OSBPL10: variants seen among roughly 807,000 people sequenced by gnomAD.
OSBPL10 encodes the protein oxysterol binding protein like 10, also known as oxysterol-binding protein-related protein 10.
OSBPL10 carries 49 observed loss-of-function variants against 81.7 expected under a neutral mutation model. The observed-to-expected ratio is 0.60, with a 90% CI of 0.48 to 0.76. OSBPL10 has a LOEUF of 0.76. OSBPL10 is among the 30% of genes least tolerant of loss of function. The pLI, the probability that OSBPL10 is intolerant of heterozygous loss-of-function variation, is 0.00. For missense variants in OSBPL10, 923 were observed against 987.8 expected (o/e 0.93, Z 0.88); for synonymous variants, 419 against 383.6 (o/e 1.09, Z -1.08).
chr3:31,813,771 T>C (rs1412698263), intron 4 of OSBPL10, among the ~76,000 whole-genome samples: 2 of 152,200 alleles, frequency 1.3e-5, no homozygotes, highest in Non-Finnish European at 2.9e-5. Context: ...AGCCTGAGCA[T>C]GTGCCTTGGC....
At position 31,843,496 on chromosome 3, in the gene OSBPL10, C is replaced by G. The variant is rs568447013; in HGVS notation, c.538-13265G>C. On this transcript the variant is annotated intron_variant, in intron 3 of 11. Coordinates refer to ENST00000396556, the MANE Select transcript of OSBPL10 (RefSeq NM_017784.5). ...CTCTTCCGGGATGACATTCCTGCACCCAAGCCTTCATCCCTGAGGCTCTGC... is the reference window on the plus strand; with the variant it reads ...CTCTTCCGGGATGACATTCCTGCACGCAAGCCTTCATCCCTGAGGCTCTGC... 9.2e-5 allele frequency among the ~76,000 whole-genome samples: 14 copies of G among 152,302 alleles called. No homozygotes were observed. The South Asian group carries it at 2.7e-3, about 29-fold the overall frequency.
chr3:31,915,761 GA>G (rs111230460), intron 1 of OSBPL10, among the ~76,000 whole-genome samples: 2 of 151,308 alleles, frequency 1.3e-5, no homozygotes, highest in Admixed American at 6.6e-5. Context: ...AATAAAAGTT[GA>G]AAAAAAATTA....
At chr3:31,664,470 C>T (rs1575460653) in intron 10 of OSBPL10, 1 of 580,364 alleles carries the variant, frequency 1.7e-6, no homozygotes. Flanking sequence ...TTCTCAGGGC[C>T]CGGAGATTCT....
At chr3:31,680,839 C>A in intron 8 of OSBPL10, among the ~76,000 whole-genome samples, 1 of 152,148 alleles carries the variant, frequency 6.6e-6, no homozygotes, top group East Asian at 1.9e-4. Flanking sequence ...GTAACAACTC[C>A]TCTTTAAGAA....
At chr3:31,687,486 A>C (rs1700822569) in intron 7 of OSBPL10, among the ~76,000 whole-genome samples, 1 of 152,158 alleles carries the variant, frequency 6.6e-6, no homozygotes, top group Non-Finnish European at 1.5e-5. Context: ...AAAATAAGTA[A>C]ATAAATAAGA....
chr3:31,911,166 C>G (rs533711467), intron 1 of OSBPL10, among the ~76,000 whole-genome samples: 2 of 152,156 alleles, frequency 1.3e-5, no homozygotes, highest in Non-Finnish European at 2.9e-5. Context: ...AGTTGCCAAA[C>G]TTTTTCTGGA....
chr3:31,870,305 G>A (rs530324573), intron 3 of OSBPL10, among the ~76,000 whole-genome samples: 10 of 152,212 alleles, frequency 6.6e-5, no homozygotes, highest in African/African-American at 1.7e-4. Flanking sequence ...CAGCAGTCCC[G>A]GCCCACTGGC....
At chr3:31,697,557 A>G (rs1006780529) in intron 7 of OSBPL10, among the ~76,000 whole-genome samples, 5 of 152,250 alleles carry the variant, frequency 3.3e-5, no homozygotes, top group Non-Finnish European at 7.3e-5. Context: ...ACAATAAAAC[A>G]AAAAATAAAA....
intron 1 of OSBPL10, among the ~76,000 whole-genome samples, chr3:31,973,428 C>T (rs1698615653): frequency 6.6e-6 from 1 of 152,230 alleles, no homozygotes; most frequent in South Asian, 2.1e-4. Context: ...CACTCACAAA[C>T]TTCTGCTGAG....
In OSBPL10 at chr3:31,871,139, A is replaced by G. The variant is rs959933778; in HGVS notation, c.537+5294T>C. On this transcript the variant is annotated intron_variant, in intron 3 of 11. Transcript: ENST00000396556. ...CCGTTCCCGTCCCCTTCTGCACTGT[A>G]GAAGGTTTGTTCTTTCGCTCTTTGC... 2.6e-5 allele frequency among the ~76,000 whole-genome samples: 4 copies of G among 152,268 alleles called. No homozygotes were observed. In the South Asian group the frequency reaches 6.2e-4, roughly 24 times the overall value.
chr3:32,027,008 G>A (rs1289263139), intron 2 of OSBPL10, among the ~76,000 whole-genome samples: 1 of 152,158 alleles, frequency 6.6e-6, no homozygotes, highest in Non-Finnish European at 1.5e-5. Context: ...GCCAGTGGAG[G>A]AGTCATTTAT....
intron 3 of OSBPL10, among the ~76,000 whole-genome samples, chr3:31,870,934 T>A (rs1353941388): frequency 6.6e-6 from 1 of 152,156 alleles, no homozygotes; most frequent in Non-Finnish European, 1.5e-5. Flanking sequence ...CCTGTGTGTC[T>A]ATACTCTGTA....
chr3:31,680,765 C>T (rs1700620511), intron 8 of OSBPL10, among the ~76,000 whole-genome samples: 1 of 152,150 alleles, frequency 6.6e-6, no homozygotes, highest in African/African-American at 2.4e-5. Flanking sequence ...CAGCTGGAAA[C>T]CCTGGAGCAT....
intron 4 of OSBPL10, among the ~76,000 whole-genome samples, chr3:31,755,867 G>A (rs1443513055): frequency 6.6e-6 from 1 of 152,188 alleles, no homozygotes; most frequent in Non-Finnish European, 1.5e-5. Flanking sequence ...CTGAAGATGG[G>A]GGGAGATAAG....
chr3:31,845,659 A>C (rs1280404131), intron 3 of OSBPL10, among the ~76,000 whole-genome samples: 1 of 152,220 alleles, frequency 6.6e-6, no homozygotes, highest in Non-Finnish European at 1.5e-5. Flanking sequence ...AATGCTAAGC[A>C]TGAGCCCCAG....
intron 2 of OSBPL10, among the ~76,000 whole-genome samples, chr3:32,042,424 G>A (rs78225642): frequency 6.6e-6 from 1 of 152,298 alleles, no homozygotes; most frequent in East Asian, 1.9e-4. Context: ...CTAGGTCAAA[G>A]TCTATTCATC....
In OSBPL10 at chr3:31,765,873, G is replaced by C. The variant is rs558994999; in HGVS notation, c.730-17753C>G. Among the ~76,000 whole-genome samples the C allele has an allele frequency of 8.5e-5, 13 of 152,206 alleles. No homozygotes were observed. In the East Asian group the frequency reaches 1.4e-3, roughly 16 times the overall value. On this transcript the variant is annotated intron_variant, in intron 4 of 11. Coordinates refer to ENST00000396556, the MANE Select transcript of OSBPL10 (RefSeq NM_017784.5). The stretch of plus-strand genomic sequence containing the variant: ...AGAGAAAGTTTAGTAACAAAGAAGT[G>C]AAACCACCCACACTCATGCAAGGAG...
chr3:32,042,154 C>G (rs1334261724), intron 2 of OSBPL10, among the ~76,000 whole-genome samples: 1 of 152,114 alleles, frequency 6.6e-6, no homozygotes, highest in African/African-American at 2.4e-5. Flanking sequence ...ACAATAATAG[C>G]CAGTATTAGC....
At chr3:31,695,750 C>G (rs1695699161) in intron 7 of OSBPL10, among the ~76,000 whole-genome samples, 3 of 152,190 alleles carry the variant, frequency 2.0e-5, no homozygotes, top group African/African-American at 7.2e-5. Context: ...CCTGCTTCCT[C>G]TCTCTACTTG....
Sources: gnomAD v4.1 joint callset for allele counts (sites outside exome capture counted in the v4.1 genomes callset) on GRCh38, gnomAD v4.1.1 for gene constraint, MANE v1.5 for transcripts, NCBI Gene and HGNC (gene_info 2026-07-23, HGNC 2026-07-21) for gene names.